WDR19: variants seen among roughly 807,000 people sequenced by gnomAD.
WDR19 encodes WD repeat domain 19, also known as WD repeat-containing protein 19.
Under a neutral mutation model 180.0 loss-of-function variants are expected in WDR19, and 121 were observed. That is an observed-to-expected ratio of 0.67 (90% CI 0.58 to 0.78). The LOEUF is 0.78. Ranked by LOEUF, WDR19 falls within the 30% of genes least tolerant of loss-of-function variation. The pLI is 0.00. For synonymous variants in WDR19, 497 were observed against 540.7 expected, an observed-to-expected ratio of 0.92 and a Z score of 1.12; for missense variants, 1,450 against 1,640.7, an observed-to-expected ratio of 0.88 and a Z score of 2.01.
chr4:39,261,377 C>A lies in WDR19; in HGVS notation c.3183+3823C>A, dbSNP rs1734282175. On this transcript the variant is annotated intron_variant, in intron 28 of 36. Coordinates refer to ENST00000399820, the MANE Select transcript of WDR19 (RefSeq NM_025132.4). The stretch of plus-strand genomic sequence containing the variant: ...AATCTATGATAAGCTTTCCCATCAA[C>A]TTTTCACCTAATGATCTCAGCAACC... Among the ~76,000 whole-genome samples, 3 of 152,140 alleles carry A rather than the reference C, an allele frequency of 2.0e-5. No homozygotes were observed. The South Asian group carries it at 6.2e-4, about 31-fold the overall frequency.
At chr4:39,249,315 T>C (rs1477090806) in intron 24 of WDR19, among the ~76,000 whole-genome samples, 3 of 151,892 alleles carry the variant, frequency 2.0e-5, no homozygotes, top group Non-Finnish European at 2.9e-5. Flanking sequence ...AGACACAACA[T>C]ACCAGAATCT....
intron 9 of WDR19, among the ~76,000 whole-genome samples, chr4:39,211,929 CAGAGAGAGAGAGAGAGAGAGAG>C (rs60128786): frequency 0.015 from 2,054 of 135,354 alleles, 33 homozygotes; most frequent in African/African-American, 0.029. Context: ...TATAGACAGA[CAGAGAGAGAGAGAGAGAGAGAG>C]AGAGAGAGAG....
chr4:39,194,709 A>G (rs1277872241), intron 5 of WDR19, 50 bp downstream of exon 5: 11 of 1,385,890 alleles, frequency 7.9e-6, no homozygotes, highest in Admixed American at 5.9e-5. Flanking sequence ...CTCTACCTCA[A>G]TGTAAATTCT....
chr4:39,220,245 C>A (rs1729519800), intron 14 of WDR19, among the ~76,000 whole-genome samples: 1 of 151,864 alleles, frequency 6.6e-6, no homozygotes, highest in South Asian at 2.1e-4. Flanking sequence ...AACAAAAAAA[C>A]AAAAAACAAT....
chr4:39,211,974 A>AGG (rs1478811308), intron 9 of WDR19, among the ~76,000 whole-genome samples: 14 of 141,430 alleles, frequency 9.9e-5, no homozygotes, highest in African/African-American at 3.1e-4. Flanking sequence ...AGAGAGAGAG[A>AGG]GAGAGAGAGA....
chr4:39,251,939 AG>A (rs1470928105), intron 24 of WDR19, among the ~76,000 whole-genome samples: 2 of 152,184 alleles, frequency 1.3e-5, no homozygotes. Flanking sequence ...TCATTGTGGA[AG>A]TCGGTGTGGT....
intron 7 of WDR19, among the ~76,000 whole-genome samples, chr4:39,204,163 G>A (rs1003039229): frequency 6.6e-6 from 1 of 151,266 alleles, no homozygotes; most frequent in Non-Finnish European, 1.5e-5. Context: ...TCAGCTCACC[G>A]CAACCTCCAC....
intron 24 of WDR19, among the ~76,000 whole-genome samples, chr4:39,251,872 C>G (rs944335918): frequency 3.9e-5 from 6 of 152,086 alleles, no homozygotes; most frequent in South Asian, 2.1e-4. Flanking sequence ...GTGCTGGAGA[C>G]GATGTGGAGA....
intron 24 of WDR19, among the ~76,000 whole-genome samples, chr4:39,248,005 G>T (rs933216742): frequency 1.3e-5 from 2 of 152,162 alleles, no homozygotes; most frequent in Admixed American, 6.5e-5. Flanking sequence ...TACAGAGAAT[G>T]CCACAAAGAT....
At chr4:39,244,938 C>CTTT (rs72240523) in intron 23 of WDR19, among the ~76,000 whole-genome samples, 3 of 115,316 alleles carry the variant, frequency 2.6e-5, no homozygotes, top group Admixed American at 1.8e-4. Flanking sequence ...TTTTTTTTTT[C>CTTT]TTTTTTTTTT....
At chr4:39,267,525 A>G (rs1734936276) in intron 29 of WDR19, among the ~76,000 whole-genome samples, 1 of 152,264 alleles carries the variant, frequency 6.6e-6, no homozygotes, top group Non-Finnish European at 1.5e-5. Flanking sequence ...GCCAAAGGCC[A>G]AAGAAAATGT....
At chr4:39,275,460 G>A (rs1735806134) in intron 33 of WDR19, 1 of 188,186 alleles carries the variant, frequency 5.3e-6, no homozygotes, top group Non-Finnish European at 1.1e-5. Flanking sequence ...AGGCATCACA[G>A]TCCAGAGCTG....
intron 9 of WDR19, among the ~76,000 whole-genome samples, chr4:39,211,964 A>AT (rs1450846570): frequency 1.3e-4 from 19 of 151,150 alleles, no homozygotes; most frequent in Non-Finnish European, 1.0e-4. Context: ...AGAGAGAGAG[A>AT]GAGAGAGAGA....
At chr4:39,200,962 T>G (rs1258033953) in intron 6 of WDR19, among the ~76,000 whole-genome samples, 1 of 152,312 alleles carries the variant, frequency 6.6e-6, no homozygotes. Context: ...AAAGTTTGAT[T>G]GTGAGTCTCT....
At chr4:39,200,952 A>G (rs544264289) in intron 6 of WDR19, among the ~76,000 whole-genome samples, 1 of 152,330 alleles carries the variant, frequency 6.6e-6, no homozygotes, top group African/African-American at 2.4e-5. Context: ...GAGATCAATG[A>G]AAGTTTGATT....
chr4:39,280,808 TCC>T (rs1185085622), intron 36 of WDR19, among the ~76,000 whole-genome samples: 3 of 152,146 alleles, frequency 2.0e-5, no homozygotes, highest in Non-Finnish European at 4.4e-5. Flanking sequence ...CAGTGCCTAC[TCC>T]AAGGTCATGA....
intron 4 of WDR19, among the ~76,000 whole-genome samples, chr4:39,193,641 A>C (rs566584518): frequency 6.6e-6 from 1 of 152,364 alleles, no homozygotes; most frequent in African/African-American, 2.4e-5. Flanking sequence ...ATTTAGCCAG[A>C]GGAAACCTCT....
chr4:39,232,223 T>C lies in WDR19; in HGVS notation c.2204T>C (p.Leu735Pro), dbSNP rs1379598044. Residue 735 changes from leucine to proline, a missense_variant, in exon 19 of 37, where the codon CTG becomes CCG. Leu to Pro is a moderately conservative substitution (Grantham distance 98). Transcript: ENST00000399820. ...GCCATGTTTACCAACGATTATAACC[T>C]GGCTCAGGACTTGTACCTTGCATCC... ...HLAMFTNDYNLAQDLYLASSC... is the reference protein window; with the variant it reads ...HLAMFTNDYNPAQDLYLASSC... 6.2e-7 allele frequency: 1 copy of C among 1,613,872 alleles called. No individual in the cohort carries two copies. Among genetic ancestry groups the C allele is most frequent in the South Asian group, 1.1e-5 (1 of 91,076 alleles).
At chr4:39,188,107 A>T (rs1450246884) in intron 3 of WDR19, among the ~76,000 whole-genome samples, 1 of 152,210 alleles carries the variant, frequency 6.6e-6, no homozygotes. Context: ...AAATATTTTT[A>T]TTAAGAGTTT....
Sources: allele counts gnomAD v4.1 joint callset (sites outside exome capture counted in the v4.1 genomes callset), GRCh38; gene constraint gnomAD v4.1.1; transcripts MANE v1.5; gene names NCBI Gene and HGNC (gene_info 2026-07-23, HGNC 2026-07-21).